The following CNTNAP2 variants were observed in gnomAD, a reference collection of about 807,000 sequenced individuals.
The protein encoded by CNTNAP2 is contactin associated protein 2, also known as contactin-associated protein-like 2.
In CNTNAP2, 98 loss-of-function variants were observed where a neutral mutation model predicts 155.2. The ratio of observed to expected loss-of-function variants is 0.63; its 90% confidence interval spans 0.54 to 0.75. The LOEUF is 0.75. Ranked by LOEUF, CNTNAP2 falls within the 30% of genes least tolerant of loss-of-function variation. CNTNAP2 has a pLI of 0.00. For missense variants in CNTNAP2, 1,727 were observed against 1,688.1 expected (o/e 1.02, Z -0.40); for synonymous variants, 651 against 631.2 (o/e 1.03, Z -0.47).
At chr7:146,870,068 GT>G (rs1203001364) in intron 3 of CNTNAP2, among the ~76,000 whole-genome samples, 2 of 152,082 alleles carry the variant, frequency 1.3e-5, no homozygotes, top group Non-Finnish European at 2.9e-5. Context: ...TTTCTGCCAG[GT>G]TTTGGTATCA....
chr7:147,176,859 A>T (rs1397749186), intron 8 of CNTNAP2, among the ~76,000 whole-genome samples: 1 of 117,458 alleles, frequency 8.5e-6, no homozygotes, highest in Admixed American at 9.2e-5. Flanking sequence ...TATATAATAG[A>T]TATTATAGAA....
intron 10 of CNTNAP2, among the ~76,000 whole-genome samples, chr7:147,397,559 G>A (rs1796840140): frequency 6.6e-6 from 1 of 151,632 alleles, no homozygotes; most frequent in Non-Finnish European, 1.5e-5. Context: ...TATATAAATT[G>A]TTTGCTACTA....
At chr7:146,439,619 C>T (rs1449015431) in intron 1 of CNTNAP2, among the ~76,000 whole-genome samples, 1 of 151,516 alleles carries the variant, frequency 6.6e-6, no homozygotes, top group Non-Finnish European at 1.5e-5. Flanking sequence ...TCTACTTCTT[C>T]ATATTTGAAG....
intron 13 of CNTNAP2, among the ~76,000 whole-genome samples, chr7:147,675,468 A>G (rs1440316830): frequency 2.0e-5 from 3 of 152,026 alleles, no homozygotes; most frequent in Non-Finnish European, 2.9e-5. Flanking sequence ...TCCTGGTTCA[A>G]CTCTAAAGGC....
intron 1 of CNTNAP2, among the ~76,000 whole-genome samples, chr7:146,338,540 C>A (rs1422915466): frequency 6.6e-6 from 1 of 152,014 alleles, no homozygotes; most frequent in Non-Finnish European, 1.5e-5. Context: ...AGGTGAACAG[C>A]CTGCTGTTTT....
At chr7:147,301,049 C>T (rs1475356449) in intron 9 of CNTNAP2, among the ~76,000 whole-genome samples, 1 of 152,072 alleles carries the variant, frequency 6.6e-6, no homozygotes, top group Non-Finnish European at 1.5e-5. Flanking sequence ...GGAAGTGAGT[C>T]ACTAAATCCC....
chr7:147,265,613 G>A (rs1054953819), intron 8 of CNTNAP2, among the ~76,000 whole-genome samples: 1 of 152,204 alleles, frequency 6.6e-6, no homozygotes, highest in African/African-American at 2.4e-5. Context: ...GCTCAGACGA[G>A]TGGGTTTCCC....
chr7:146,168,597 A>T (rs1412291331), intron 1 of CNTNAP2, among the ~76,000 whole-genome samples: 1 of 151,554 alleles, frequency 6.6e-6, no homozygotes, highest in Non-Finnish European at 1.5e-5. Context: ...GTCTTATTTG[A>T]CTCTTCTCTC....
chr7:147,472,578 T>C (rs1798244682), intron 10 of CNTNAP2, among the ~76,000 whole-genome samples: 1 of 152,052 alleles, frequency 6.6e-6, no homozygotes, highest in African/African-American at 2.4e-5. Flanking sequence ...GAGAATGAAT[T>C]AAAGCAAGGC....
chr7:146,419,560 T>C (rs1326327354), intron 1 of CNTNAP2, among the ~76,000 whole-genome samples: 2 of 152,130 alleles, frequency 1.3e-5, no homozygotes, highest in Non-Finnish European at 2.9e-5. Context: ...ACCAGAAATA[T>C]CTTCTTTTTA....
At chr7:148,341,054 A>T (rs910228381) in intron 21 of CNTNAP2, among the ~76,000 whole-genome samples, 3 of 152,198 alleles carry the variant, frequency 2.0e-5, no homozygotes, top group Admixed American at 2.0e-4. Flanking sequence ...TGATCCAGGA[A>T]TTCCATGCAC....
At chr7:146,866,124 C>G (rs1165493221) in intron 3 of CNTNAP2, among the ~76,000 whole-genome samples, 1 of 151,994 alleles carries the variant, frequency 6.6e-6, no homozygotes, top group Non-Finnish European at 1.5e-5. Context: ...TTCCAATGTT[C>G]CCCCCGACAG....
intron 15 of CNTNAP2, among the ~76,000 whole-genome samples, chr7:148,116,570 G>T (rs1202630158): frequency 6.6e-6 from 1 of 152,142 alleles, no homozygotes; most frequent in Non-Finnish European, 1.5e-5. Context: ...ATTTTAATAT[G>T]CCTAAGTTTA....
intron 13 of CNTNAP2, among the ~76,000 whole-genome samples, chr7:147,895,609 A>G (rs1392716120): frequency 6.6e-6 from 1 of 152,226 alleles, no homozygotes; most frequent in East Asian, 1.9e-4. Context: ...TTGGAAATAG[A>G]TAATTCAGTT....
chr7:146,939,175 T>G (rs886924401), intron 3 of CNTNAP2, among the ~76,000 whole-genome samples: 2 of 152,128 alleles, frequency 1.3e-5, no homozygotes, highest in African/African-American at 4.8e-5. Context: ...AAAAAATGCA[T>G]TTTTTCTTCT....
intron 1 of CNTNAP2, among the ~76,000 whole-genome samples, chr7:146,546,736 A>G (rs1798034830): frequency 6.6e-6 from 1 of 151,862 alleles, no homozygotes; most frequent in Non-Finnish European, 1.5e-5. Flanking sequence ...GGAGGAGCAA[A>G]AGCACATCTT....
At chr7:147,280,388 A>T (rs1418631448) in intron 8 of CNTNAP2, among the ~76,000 whole-genome samples, 1 of 151,926 alleles carries the variant, frequency 6.6e-6, no homozygotes, top group African/African-American at 2.4e-5. Context: ...TCTTACAGGG[A>T]CGAAAAAATC....
chr7:148,036,304 C>T (rs1802572792), intron 15 of CNTNAP2, among the ~76,000 whole-genome samples: 1 of 152,120 alleles, frequency 6.6e-6, no homozygotes, highest in South Asian at 2.1e-4. Context: ...TGAAACTGTT[C>T]CCCAAAGTTC....
At position 147,575,107 on chromosome 7, in the gene CNTNAP2, A is replaced by ATGTG. The variant is rs754922892; in HGVS notation, c.1897+12892_1897+12895dup. On this transcript the variant is annotated intron_variant, in intron 12 of 23. Transcript: ENST00000361727. ...CATATTCTCCCGGTCTTTGTGGGAA[A>ATGTG]TGTGTGTGTGTGTGTGTGTGTGTGT... Among the ~76,000 whole-genome samples, 631 of 93,488 alleles carry ATGTG rather than the reference A, an allele frequency of 6.7e-3. 10 individuals are homozygous for ATGTG. The highest frequency in any genetic ancestry group is 0.015 in the African/African-American group (381 of 25,108). The allele number at this position is 93,488 out of a possible 152,430, so 61.3% of individuals were successfully genotyped here.
Sources: gnomAD v4.1 joint callset for allele counts (sites outside exome capture counted in the v4.1 genomes callset) on GRCh38, gnomAD v4.1.1 for gene constraint, MANE v1.5 for transcripts, NCBI Gene and HGNC (gene_info 2026-07-23, HGNC 2026-07-21) for gene names.